Variants in TPGS2 observed in about 807,000 individuals in gnomAD.
TPGS2 encodes polyglutamylase subunit 2.
In TPGS2, 26 loss-of-function variants were observed where a neutral mutation model predicts 31.1. The ratio of observed to expected loss-of-function variants is 0.84; its 90% CI spans 0.61 to 1.16. The LOEUF (loss-of-function observed/expected upper bound fraction) is 1.16, where lower values mean the gene tolerates loss of function less well. Ranked by LOEUF, TPGS2 falls within the 50% of genes most tolerant of loss-of-function variation. TPGS2 has a pLI of 0.00. For missense variants in TPGS2, 351 were observed against 363.8 expected (o/e 0.96, Z 0.29); for synonymous variants, 130 against 136.6 (o/e 0.95, Z 0.34).
chr18:36,802,753 G>A (rs1047264429), intron 4 of TPGS2, among the ~76,000 whole-genome samples: 18 of 151,790 alleles, frequency 1.2e-4, no homozygotes, highest in South Asian at 2.1e-4. Flanking sequence ...TCAGCCTCCC[G>A]AGTAGCTGGA....
chr18:36,803,706 T>C (rs1334464406), intron 4 of TPGS2, among the ~76,000 whole-genome samples: 1 of 152,236 alleles, frequency 6.6e-6, no homozygotes, highest in South Asian at 2.1e-4. Flanking sequence ...TTTCTTGCAC[T>C]TGATTTTTCA....
At chr18:36,806,773 C>A (rs2150602995) in intron 3 of TPGS2, among the ~76,000 whole-genome samples, 1 of 141,264 alleles carries the variant, frequency 7.1e-6, no homozygotes, top group South Asian at 2.2e-4. Flanking sequence ...ATCTCTTGAA[C>A]CTGGGAGGCG....
chr18:36,822,027 G>A (rs1007555635), intron 1 of TPGS2, among the ~76,000 whole-genome samples: 6 of 152,292 alleles, frequency 3.9e-5, no homozygotes, highest in South Asian at 2.1e-4. Context: ...AGGTCTTCTC[G>A]CATAGTTTCA....
At chr18:36,813,337 C>T (rs554626942) in intron 2 of TPGS2, among the ~76,000 whole-genome samples, 3 of 152,110 alleles carry the variant, frequency 2.0e-5, no homozygotes, top group Admixed American at 1.3e-4. Context: ...AGGAGCCACA[C>T]CAAGTGAGAT....
chr18:36,802,067 G>A (rs1356144706), intron 4 of TPGS2, among the ~76,000 whole-genome samples: 2 of 152,310 alleles, frequency 1.3e-5, no homozygotes, highest in East Asian at 3.9e-4. Context: ...CTTCTGCAAT[G>A]TCTTAGCCAC....
At position 36,828,912 on chromosome 18, in the gene TPGS2, G is replaced by T; in HGVS notation, c.-145C>A. 2 of 1,071,994 alleles carry T rather than the reference G, an allele frequency of 1.9e-6. No homozygotes were observed. Among genetic ancestry groups the T allele is most frequent in the Non-Finnish European group, 2.6e-6 (2 of 759,964 alleles). The allele number at this position is 1,071,994 out of a possible 1,614,324, so 66.4% of individuals were successfully genotyped here. A position where few individuals can be genotyped will look rare whatever the true frequency, so the allele number is the denominator to read the frequency against. ...GCAGTGATGATGGGGGCCCGGGGTTGGTCTGACAGCAGCAGCTCCGTGGGG... is the reference window on the plus strand; with the variant it reads ...GCAGTGATGATGGGGGCCCGGGGTTTGTCTGACAGCAGCAGCTCCGTGGGG... On this transcript the variant is annotated 5_prime_UTR_variant, in exon 1 of 7. Transcript: ENST00000334295.
Position 36,796,981 on chromosome 18 carries a change from C to T in TPGS2, c.727G>A (p.Val243Met). The T allele has an allele frequency of 6.2e-7, 1 of 1,602,650 alleles. No homozygotes were observed. Among genetic ancestry groups the T allele is most frequent in the South Asian group, 1.1e-5 (1 of 87,690 alleles). Reference sequence around the variant, plus strand: ...ACTTTGCTGGGATCTAGCTTATTCACAAAGGAGTCGGTCTCTTCTGTGAGC... The same window carrying T: ...ACTTTGCTGGGATCTAGCTTATTCATAAAGGAGTCGGTCTCTTCTGTGAGC... The part of the protein sequence containing the change: ...NLLTEETDSF[V>M]NKLDPSKVFK... Residue 243 changes from valine to methionine, a missense_variant, in exon 7 of 7, where the codon GTG becomes ATG. Transcript: ENST00000334295.
At chr18:36,799,851 T>C (rs1376693749) in intron 5 of TPGS2, among the ~76,000 whole-genome samples, 1 of 138,780 alleles carries the variant, frequency 7.2e-6, no homozygotes, top group African/African-American at 2.5e-5. Flanking sequence ...GGCCTAGATA[T>C]AGAAGTATAA....
chr18:36,814,011 G>A (rs1383660773), intron 2 of TPGS2, among the ~76,000 whole-genome samples: 1 of 152,128 alleles, frequency 6.6e-6, no homozygotes, highest in Non-Finnish European at 1.5e-5. Flanking sequence ...TCTGTAGACT[G>A]TAGAAAAACT....
Position 36,805,376 on chromosome 18 carries a change from T to C in TPGS2, c.380A>G (p.Glu127Gly), listed in dbSNP as rs2045065525. 6.2e-7 allele frequency: 1 copy of C among 1,613,796 alleles called. No individual in the cohort carries two copies. The highest frequency in any genetic ancestry group is 8.5e-7 in the Non-Finnish European group (1 of 1,179,778). The change falls in exon 4 of 7, where the codon GAA becomes GGA. Residue 127 changes from glutamate to glycine, a missense_variant and splice_region_variant. Glu to Gly is a moderately conservative substitution (Grantham distance 98, BLOSUM62 -2). Transcript: ENST00000334295. ...TLADLEDDTHEASDDQPEKPH... is the reference protein window; with the variant it reads ...TLADLEDDTHGASDDQPEKPH... ...TACCAACCTTGGTATCTTCCTACCT[T>C]CATGTGTATCGTCCTCCAGGTCTGC...
At chr18:36,783,993 T>C (rs894358090) in intron 6 of TPGS2, among the ~76,000 whole-genome samples, 3 of 151,876 alleles carry the variant, frequency 2.0e-5, no homozygotes, top group Admixed American at 6.6e-5. Context: ...ACAGACGAAA[T>C]TGGAGTGACA....
In TPGS2 at chr18:36,816,405, G is replaced by A. The variant is rs543080365; in HGVS notation, c.165+2489C>T. Among the ~76,000 whole-genome samples the A allele has an allele frequency of 3.7e-4, 57 of 152,300 alleles. No individual in the cohort carries two copies. In the South Asian group the frequency reaches 0.011, roughly 30 times the overall value. On this transcript the variant is annotated intron_variant, in intron 2 of 6. Coordinates refer to ENST00000334295, the MANE Select transcript of TPGS2 (RefSeq NM_015476.4). ...GTATAAGTAAAACTGGGATAAATGG[G>A]TAAAGTCTTCTCCTTAAAGAGCTCT...
chr18:36,805,286 A>G, intron 4 of TPGS2, 88 bp downstream of exon 4: 1 of 1,446,784 alleles, frequency 6.9e-7, no homozygotes, highest in South Asian at 1.2e-5. Flanking sequence ...ACATTCATTC[A>G]TGCACCAAGA....
chr18:36,823,143 G>A (rs1157834339), intron 1 of TPGS2, among the ~76,000 whole-genome samples: 2 of 152,218 alleles, frequency 1.3e-5, no homozygotes, highest in Admixed American at 1.3e-4. Context: ...GGCACGGCAT[G>A]ACTGGCTTCT....
At chr18:36,826,618 A>C (rs923914887) in intron 1 of TPGS2, among the ~76,000 whole-genome samples, 4 of 152,228 alleles carry the variant, frequency 2.6e-5, no homozygotes, top group African/African-American at 9.6e-5. Context: ...TGCAGAAAAG[A>C]GTGAACATAG....
At chr18:36,806,963 C>T (rs543408207) in intron 3 of TPGS2, among the ~76,000 whole-genome samples, 14 of 150,040 alleles carry the variant, frequency 9.3e-5, no homozygotes, top group East Asian at 1.9e-4. Flanking sequence ...GGTAGAAGGC[C>T]GAGGCAACAA....
In TPGS2 at chr18:36,800,279, C is replaced by A. The variant is rs781052274; in HGVS notation, c.415G>T (p.Asp139Tyr). 5.6e-6 allele frequency: 9 copies of A among 1,614,104 alleles called. No individual in the cohort carries two copies. The highest frequency in any genetic ancestry group is 1.6e-4 in the Middle Eastern group (1 of 6,062). ...SDDQPEKPHF[D>Y]SRSVIFELDS... ...AGCTCAAATATCACACTGCGAGAGT[C>A]AAAGTGAGGCTTCTCTGGCTGATCA... The change falls in exon 5 of 7, where the codon GAC (aspartate) becomes TAC (tyrosine). Residue 139 changes from aspartate (D) to tyrosine (Y), a missense_variant. Physicochemically the swap from Asp to Tyr is radical, Grantham distance 160. Coordinates refer to ENST00000334295, the MANE Select transcript of TPGS2 (RefSeq NM_015476.4).
downstream of TPGS2, chr18:36,780,166 G>A (rs1465789483): frequency 5.7e-6 from 7 of 1,231,770 alleles, no homozygotes; most frequent in African/African-American, 9.3e-5. Flanking sequence ...CCCTCGCTTG[G>A]AACGGCCTTC....
chr18:36,812,156 G>C (rs1178958626), intron 2 of TPGS2, among the ~76,000 whole-genome samples: 1 of 152,108 alleles, frequency 6.6e-6, no homozygotes, highest in African/African-American at 2.4e-5. Flanking sequence ...CTATGATATT[G>C]TGAAATAAAT....
Sources: allele counts gnomAD v4.1 joint callset (sites outside exome capture counted in the v4.1 genomes callset), GRCh38; gene constraint gnomAD v4.1.1; transcripts MANE v1.5; gene names NCBI Gene and HGNC (gene_info 2026-07-23, HGNC 2026-07-21).